RBFOX1: variants seen among roughly 807,000 people sequenced by gnomAD.
RBFOX1 encodes RNA binding protein fox-1 homolog 1.
Under a neutral mutation model 57.7 loss-of-function variants are expected in RBFOX1, and 8 were observed. The observed-to-expected ratio is 0.14, with a 90% CI of 0.08 to 0.25. The LOEUF (loss-of-function observed/expected upper bound fraction) is 0.25, where lower values mean the gene tolerates loss of function less well. Ranked by LOEUF, RBFOX1 falls within the 10% of genes least tolerant of loss-of-function variation. RBFOX1 has a pLI of 1.00. For missense variants in RBFOX1, 611 were observed against 548.5 expected (o/e 1.11, Z -1.14); for synonymous variants, 326 against 222.4 (o/e 1.47, Z -4.15).
chr16:6,974,123 C>T (rs1752397803), intron 3 of RBFOX1, among the ~76,000 whole-genome samples: 1 of 152,074 alleles, frequency 6.6e-6, no homozygotes, highest in Admixed American at 6.6e-5. Flanking sequence ...CTTTTTATGG[C>T]TGCATAGAAT....
intron 3 of RBFOX1, among the ~76,000 whole-genome samples, chr16:5,747,877 A>G (rs1251359800): frequency 6.6e-6 from 1 of 151,930 alleles, no homozygotes; most frequent in African/African-American, 2.4e-5. Flanking sequence ...TGTTTCCTTC[A>G]GTTCTGCTCT....
At chr16:5,280,825 CTTT>C (rs912234498) in intron 1 of RBFOX1, among the ~76,000 whole-genome samples, 1 of 116,408 alleles carries the variant, frequency 8.6e-6, no homozygotes, top group Admixed American at 8.7e-5. Context: ...TCCTTTCTTT[CTTT>C]TTTTTTTTGG....
chr16:6,025,783 G>A (rs1471980561), intron 1 of RBFOX1, among the ~76,000 whole-genome samples: 1 of 152,216 alleles, frequency 6.6e-6, no homozygotes, highest in Non-Finnish European at 1.5e-5. Flanking sequence ...CCTGCCCTTA[G>A]AAGGTTGAGG....
chr16:5,987,640 C>T (rs1353618387), intron 4 of RBFOX1, among the ~76,000 whole-genome samples: 1 of 152,120 alleles, frequency 6.6e-6, no homozygotes, highest in East Asian at 1.9e-4. Context: ...GAGTTCGAGG[C>T]TGTAGGGCAC....
chr16:6,448,768 AT>A (rs1418238952), intron 2 of RBFOX1, among the ~76,000 whole-genome samples: 3 of 152,138 alleles, frequency 2.0e-5, no homozygotes, highest in African/African-American at 4.8e-5. Context: ...ATCCTGCAGT[AT>A]TTTTTTGTGC....
At chr16:7,121,566 C>G (rs1600130652) in intron 4 of RBFOX1, among the ~76,000 whole-genome samples, 1 of 151,804 alleles carries the variant, frequency 6.6e-6, no homozygotes, top group Non-Finnish European at 1.5e-5. Flanking sequence ...ATTAAAAAAG[C>G]AAATCTAAAT....
intron 3 of RBFOX1, among the ~76,000 whole-genome samples, chr16:6,987,334 G>A (rs1226460292): frequency 1.3e-5 from 2 of 152,038 alleles, no homozygotes; most frequent in Non-Finnish European, 2.9e-5. Flanking sequence ...GAAGTGAGTG[G>A]AGAACAAGAG....
At chr16:6,105,098 C>G (rs1406019773) in intron 1 of RBFOX1, among the ~76,000 whole-genome samples, 1 of 152,126 alleles carries the variant, frequency 6.6e-6, no homozygotes, top group African/African-American at 2.4e-5. Flanking sequence ...GTGACTTTGC[C>G]AGAGCCATAT....
At chr16:7,555,477 C>G in intron 5 of RBFOX1, among the ~76,000 whole-genome samples, 1 of 152,132 alleles carries the variant, frequency 6.6e-6, no homozygotes, top group East Asian at 1.9e-4. Context: ...TAAGAGGACC[C>G]TGTGTACTAT....
At chr16:5,975,331 C>T (rs1029192597) in intron 4 of RBFOX1, among the ~76,000 whole-genome samples, 20 of 152,126 alleles carry the variant, frequency 1.3e-4, no homozygotes, top group Non-Finnish European at 2.8e-4. Flanking sequence ...CTGCAGCCTT[C>T]GTCCATATCA....
intron 3 of RBFOX1, among the ~76,000 whole-genome samples, chr16:6,822,852 C>T (rs1248800683): frequency 3.9e-5 from 6 of 152,124 alleles, no homozygotes; most frequent in Admixed American, 2.0e-4. Context: ...TCTCTTTGTG[C>T]CTTAAAATGC....
At chr16:6,970,148 A>G (rs1290585522) in intron 3 of RBFOX1, among the ~76,000 whole-genome samples, 1 of 152,020 alleles carries the variant, frequency 6.6e-6, no homozygotes, top group Non-Finnish European at 1.5e-5. Flanking sequence ...ACTGCATTCC[A>G]GCCTGGGCAA....
intron 1 of RBFOX1, among the ~76,000 whole-genome samples, chr16:5,376,646 T>C (rs796580167): frequency 1.3e-5 from 2 of 152,262 alleles, no homozygotes; most frequent in African/African-American, 4.8e-5. Context: ...CTGCTGGCTG[T>C]GGTTACTAGG....
At chr16:6,789,162 A>C (rs1838747057) in intron 3 of RBFOX1, among the ~76,000 whole-genome samples, 1 of 152,104 alleles carries the variant, frequency 6.6e-6, no homozygotes, top group African/African-American at 2.4e-5. Flanking sequence ...TTGTGGGTAG[A>C]GTGTTCTTCA....
chr16:7,002,770 C>G (rs1006055186), intron 3 of RBFOX1, among the ~76,000 whole-genome samples: 1 of 152,124 alleles, frequency 6.6e-6, no homozygotes, highest in Admixed American at 6.6e-5. Context: ...TTAAAATACA[C>G]TTCCTGAATG....
intron 1 of RBFOX1, among the ~76,000 whole-genome samples, chr16:5,344,168 G>A (rs2065091705): frequency 6.6e-6 from 1 of 152,214 alleles, no homozygotes; most frequent in Admixed American, 6.5e-5. Flanking sequence ...TTCTGTGGAA[G>A]TTTTTTCCCT....
chr16:7,216,124 G>A lies in RBFOX1; in HGVS notation c.27+164026G>A, dbSNP rs532461850. On this transcript the variant is annotated intron_variant, in intron 4 of 15. Transcript: ENST00000550418. ...CGGGGTTCATCCATGTTATAGATGCGTTGCCAGACAACATACTGTTGTGTG... is the reference window on the plus strand; with the variant it reads ...CGGGGTTCATCCATGTTATAGATGCATTGCCAGACAACATACTGTTGTGTG... Among the ~76,000 whole-genome samples, 19 of 152,190 alleles carry A rather than the reference G, an allele frequency of 1.2e-4. No individual in the cohort carries two copies. In the South Asian group the frequency reaches 3.7e-3, roughly 30 times the overall value.
chr16:5,908,346 GTGTGTGTCTGT>G, intron 4 of RBFOX1, among the ~76,000 whole-genome samples: 2 of 80,638 alleles, frequency 2.5e-5, no homozygotes, highest in Admixed American at 1.5e-4. Context: ...GTGTGTGTGT[GTGTGTGTCTGT>G]GTGTGTTTTT....
chr16:5,543,430 C>T (rs1013118567), intron 2 of RBFOX1, among the ~76,000 whole-genome samples: 1 of 152,038 alleles, frequency 6.6e-6, no homozygotes, highest in Non-Finnish European at 1.5e-5. Context: ...AGACATTGCC[C>T]ATACACAAAA....
Sources: gnomAD v4.1 joint callset for allele counts (sites outside exome capture counted in the v4.1 genomes callset) on GRCh38, gnomAD v4.1.1 for gene constraint, MANE v1.5 for transcripts, NCBI Gene and HGNC (gene_info 2026-07-23, HGNC 2026-07-21) for gene names.